The following WWOX variants were observed in gnomAD, a reference collection of about 807,000 sequenced individuals.
The protein encoded by WWOX is WW domain-containing oxidoreductase.
A neutral mutation model predicts 46.2 loss-of-function variants in WWOX; 69 were observed. That is an observed-to-expected ratio of 1.49 (90% confidence interval 1.23 to 1.82). The LOEUF (loss-of-function observed/expected upper bound fraction) is 1.82, where lower values mean the gene tolerates loss of function less well. Ranked by LOEUF, WWOX falls within the 40% of genes most tolerant of loss-of-function variation. The pLI is 0.00. For synonymous variants in WWOX, 359 were observed against 202.6 expected, an observed-to-expected ratio of 1.77 and a Z score of -6.56; for missense variants, 919 against 542.6, an observed-to-expected ratio of 1.69 and a Z score of -6.89.
Position 78,947,837 on chromosome 16 carries a change from C to T in WWOX, c.1057-263771C>T, listed in dbSNP as rs1380921833. The stretch of plus-strand genomic sequence containing the variant: ...GCCAAAATATGTATAGGAGAAGCTC[C>T]AAAATAAAATATCCCAGAGTGGCTT... On this transcript the variant is annotated intron_variant, in intron 8 of 8. Coordinates refer to ENST00000566780, the MANE Select transcript of WWOX (RefSeq NM_016373.4). Among the ~76,000 whole-genome samples the T allele has an allele frequency of 2.6e-5, 4 of 152,216 alleles. No homozygotes were observed. The South Asian group carries it at 6.2e-4, about 24-fold the overall frequency.
intron 8 of WWOX, among the ~76,000 whole-genome samples, chr16:79,091,818 G>C (rs557048385): frequency 1.5e-3 from 177 of 115,166 alleles, no homozygotes; most frequent in African/African-American, 6.0e-3. Flanking sequence ...GTCTAGCTCT[G>C]TCACCAGGCT....
chr16:78,825,540 G>C (rs1161705005), intron 8 of WWOX: 2 of 527,552 alleles, frequency 3.8e-6, no homozygotes, highest in Non-Finnish European at 7.6e-6. Context: ...AGAGCTTTAT[G>C]CTGAAAAGGT....
chr16:79,036,595 C>A (rs533876735), intron 8 of WWOX, among the ~76,000 whole-genome samples: 1 of 152,196 alleles, frequency 6.6e-6, no homozygotes, highest in Non-Finnish European at 1.5e-5. Flanking sequence ...GATGAATGAT[C>A]TGTCCTTCTA....
intron 8 of WWOX, chr16:78,503,573 G>A (rs1429272096): frequency 6.6e-6 from 1 of 151,868 alleles, no homozygotes; most frequent in Non-Finnish European, 1.5e-5. Context: ...CATGATCTTT[G>A]TCTTTGCATT....
intron 8 of WWOX, among the ~76,000 whole-genome samples, chr16:78,805,392 C>G (rs1290024930): frequency 6.6e-6 from 1 of 152,090 alleles, no homozygotes; most frequent in Admixed American, 6.5e-5. Flanking sequence ...TCCGGAGTAG[C>G]TGGGACTACA....
intron 8 of WWOX, among the ~76,000 whole-genome samples, chr16:78,911,272 C>G (rs1002801403): frequency 2.0e-5 from 3 of 152,062 alleles, no homozygotes; most frequent in African/African-American, 7.2e-5. Flanking sequence ...TTTGTCATAA[C>G]TACCTTGCTT....
At chr16:79,026,855 T>G (rs2047654464) in intron 8 of WWOX, among the ~76,000 whole-genome samples, 1 of 149,672 alleles carries the variant, frequency 6.7e-6, no homozygotes, top group Admixed American at 6.6e-5. Flanking sequence ...GGTCTCAATC[T>G]CCTGACCTTG....
chr16:78,834,567 A>G (rs532002222), intron 8 of WWOX, among the ~76,000 whole-genome samples: 62 of 152,318 alleles, frequency 4.1e-4, no homozygotes, highest in African/African-American at 1.2e-3. Context: ...AGGGTCTGCA[A>G]TGTAGAATCC....
chr16:78,785,439 A>G (rs1210184064), intron 8 of WWOX, among the ~76,000 whole-genome samples: 1 of 152,230 alleles, frequency 6.6e-6, no homozygotes, highest in Non-Finnish European at 1.5e-5. Flanking sequence ...GTGTGCTGGT[A>G]AATGATTAAC....
intron 8 of WWOX, among the ~76,000 whole-genome samples, chr16:78,675,246 C>T (rs2047565122): frequency 6.6e-6 from 1 of 151,928 alleles, no homozygotes; most frequent in South Asian, 2.1e-4. Flanking sequence ...TGGAATCAAG[C>T]AGAGAAGCTG....
chr16:79,019,999 G>GGGGAA (rs763817357), intron 8 of WWOX, among the ~76,000 whole-genome samples: 1 of 152,296 alleles, frequency 6.6e-6, no homozygotes. Flanking sequence ...TCCCCACTGT[G>GGGGAA]GGGAAGAGCT....
At chr16:78,541,324 A>T (rs1432064942) in intron 8 of WWOX, among the ~76,000 whole-genome samples, 1 of 150,862 alleles carries the variant, frequency 6.6e-6, no homozygotes. Context: ...AATACAAAAA[A>T]TTAGCCGGGC....
intron 8 of WWOX, among the ~76,000 whole-genome samples, chr16:78,656,824 G>C (rs374736502): frequency 6.6e-6 from 1 of 152,146 alleles, no homozygotes; most frequent in South Asian, 2.1e-4. Context: ...CAGAAGACTG[G>C]TGAGTTCTAG....
intron 8 of WWOX, among the ~76,000 whole-genome samples, chr16:78,765,060 T>C (rs1015616961): frequency 1.3e-5 from 2 of 152,140 alleles, no homozygotes; most frequent in African/African-American, 4.8e-5. Flanking sequence ...GGAAGGGAAG[T>C]CTCAGCATCT....
At chr16:78,492,555 G>A (rs2084809548) in intron 8 of WWOX, among the ~76,000 whole-genome samples, 1 of 152,144 alleles carries the variant, frequency 6.6e-6, no homozygotes, top group Non-Finnish European at 1.5e-5. Flanking sequence ...CCCTGACCCT[G>A]GGGACTAAGC....
At chr16:78,919,519 G>GTTTTT in intron 8 of WWOX, among the ~76,000 whole-genome samples, 1 of 67,254 alleles carries the variant, frequency 1.5e-5, no homozygotes, top group Non-Finnish European at 2.9e-5. Context: ...TTATCTTTTT[G>GTTTTT]TTTTGTTTTT....
chr16:78,370,173 C>T (rs1306620498), intron 5 of WWOX, among the ~76,000 whole-genome samples: 1 of 146,920 alleles, frequency 6.8e-6, no homozygotes, highest in Admixed American at 6.8e-5. Flanking sequence ...AGATGCCAGA[C>T]AATCTGGGTG....
At chr16:78,606,469 G>C (rs1300927680) in intron 8 of WWOX, among the ~76,000 whole-genome samples, 3 of 151,942 alleles carry the variant, frequency 2.0e-5, no homozygotes, top group Non-Finnish European at 2.9e-5. Context: ...AAAAAAAAAG[G>C]GTGCTTGATG....
rs1485961382 is a variant in WWOX at position 78,674,731 on chromosome 16, CT to C, written c.1056+241982del. Among the ~76,000 whole-genome samples, 6 of 152,144 alleles carry C rather than the reference CT, an allele frequency of 3.9e-5. No individual in the cohort carries two copies. In the East Asian group the frequency reaches 1.2e-3, roughly 29 times the overall value. On this transcript the variant is annotated intron_variant, in intron 8 of 8. Coordinates refer to ENST00000566780, the MANE Select transcript of WWOX (RefSeq NM_016373.4). ...AAATAAACAAGAACAAATGGAGAAT[CT>C]TTCACTATGACTGCAACTGAAAAGA... is the stretch of plus-strand genomic sequence containing the variant.
Sources: gnomAD v4.1 joint callset for allele counts (sites outside exome capture counted in the v4.1 genomes callset) on GRCh38, gnomAD v4.1.1 for gene constraint, MANE v1.5 for transcripts, NCBI Gene and HGNC (gene_info 2026-07-23, HGNC 2026-07-21) for gene names.